Variants in VWDE observed in about 807,000 individuals in gnomAD.
The protein encoded by VWDE is von Willebrand factor D and EGF domain-containing protein.
In VWDE, 207 loss-of-function variants were observed where a neutral mutation model predicts 178.4. The observed-to-expected ratio is 1.16, with a 90% CI of 1.04 to 1.30. VWDE has a LOEUF of 1.30. Ranked by LOEUF, VWDE falls within the 50% of genes most tolerant of loss-of-function variation. The probability of loss-of-function intolerance (pLI) is 0.00; values close to 1 mark genes in which losing one functional copy is unlikely to be tolerated. For missense variants in VWDE, 2,287 were observed against 1,901.3 expected (o/e 1.20, Z -3.77); for synonymous variants, 738 against 651.4 (o/e 1.13, Z -2.02).
chr7:12,366,119 TTA>T (rs1782844480), intron 13 of VWDE, among the ~76,000 whole-genome samples: 1 of 152,078 alleles, frequency 6.6e-6, no homozygotes, highest in Non-Finnish European at 1.5e-5. Context: ...TGCCATGATT[TTA>T]TGTTTCCTGG....
At chr7:12,401,629 T>C (rs1264104758) in intron 1 of VWDE, among the ~76,000 whole-genome samples, 1 of 152,034 alleles carries the variant, frequency 6.6e-6, no homozygotes, top group African/African-American at 2.4e-5. Flanking sequence ...AGAATCCAAA[T>C]CTCAGTTAAT....
intron 18 of VWDE, chr7:12,354,361 T>C: frequency 2.3e-6 from 1 of 427,660 alleles, no homozygotes; most frequent in Non-Finnish European, 4.6e-6. Flanking sequence ...ATGGCATATT[T>C]TTCCATCCCC....
At chr7:12,352,741 G>T (rs1181753868) in intron 18 of VWDE, among the ~76,000 whole-genome samples, 2 of 152,152 alleles carry the variant, frequency 1.3e-5, no homozygotes, top group African/African-American at 4.8e-5. Flanking sequence ...TGAAGCACAA[G>T]ATGCTGCTGC....
At chr7:12,334,231 G>A (rs528524851) in intron 27 of VWDE, among the ~76,000 whole-genome samples, 1 of 152,146 alleles carries the variant, frequency 6.6e-6, no homozygotes, top group South Asian at 2.1e-4. Flanking sequence ...GGGAAGTAAA[G>A]GGAATTTTTG....
chr7:12,333,878 G>A (rs1179125878), intron 27 of VWDE, among the ~76,000 whole-genome samples: 1 of 151,732 alleles, frequency 6.6e-6, no homozygotes, highest in Non-Finnish European at 1.5e-5. Context: ...TTTTCTAGAG[G>A]AGCTGAAGTC....
intron 6 of VWDE, 55 bp downstream of exon 6, chr7:12,379,422 G>C: frequency 7.5e-7 from 1 of 1,330,812 alleles, no homozygotes. Context: ...ATCACAGTTT[G>C]GGAAACATAG....
intron 24 of VWDE, among the ~76,000 whole-genome samples, chr7:12,339,905 G>C (rs1781236071): frequency 6.6e-6 from 1 of 152,064 alleles, no homozygotes; most frequent in African/African-American, 2.4e-5. Context: ...GTGCACAGGT[G>C]ATTCTTCATA....
chr7:12,362,905 G>A (rs1367709569), intron 13 of VWDE, among the ~76,000 whole-genome samples: 2 of 151,990 alleles, frequency 1.3e-5, no homozygotes, highest in South Asian at 2.1e-4. Flanking sequence ...GTACAGTCTC[G>A]GTTTCTTGTG....
chr7:12,369,778 A>G lies in VWDE; in HGVS notation c.2528T>C (p.Leu843Pro). 6.4e-7 allele frequency: 1 copy of G among 1,551,618 alleles called. No individual in the cohort carries two copies. The highest frequency in any genetic ancestry group is 8.7e-7 in the Non-Finnish European group (1 of 1,146,920). ...TGCCCAACTAAGATCATCTTTTAAC[A>G]GAACATCCTTCACACACATCTCTAT... ...SVIEMCVKDVLLKDDLSWAEA... is the reference protein window; with the variant it reads ...SVIEMCVKDVPLKDDLSWAEA... Residue 843 changes from leucine to proline, a missense_variant, in exon 12 of 29, where the codon CTG (leucine) becomes CCG (proline). Transcript: ENST00000275358.
At chr7:12,351,336 C>T (rs977173070) in intron 19 of VWDE, among the ~76,000 whole-genome samples, 3 of 152,002 alleles carry the variant, frequency 2.0e-5, no homozygotes, top group East Asian at 1.9e-4. Flanking sequence ...TAAGCTTCTC[C>T]GAAATCACTT....
At chr7:12,334,826 G>C (rs1001648398) in intron 27 of VWDE, among the ~76,000 whole-genome samples, 1 of 152,090 alleles carries the variant, frequency 6.6e-6, no homozygotes, top group African/African-American at 2.4e-5. Context: ...GGTCCGCATA[G>C]AGCTTACTCC....
intron 6 of VWDE, 125 bp downstream of exon 6, chr7:12,379,352 C>T (rs1407241638): frequency 3.2e-5 from 17 of 536,306 alleles, no homozygotes; most frequent in Non-Finnish European, 5.1e-5. Context: ...AATATGGGGA[C>T]TCATGGGTCT....
At chr7:12,387,433 G>A (rs1784156935) in intron 3 of VWDE, among the ~76,000 whole-genome samples, 1 of 151,948 alleles carries the variant, frequency 6.6e-6, no homozygotes, top group African/African-American at 2.4e-5. Context: ...TTCTGAGAAT[G>A]CTAGAAATTT....
chr7:12,390,481 G>T (rs945625765), intron 2 of VWDE, among the ~76,000 whole-genome samples: 7 of 151,802 alleles, frequency 4.6e-5, no homozygotes, highest in African/African-American at 1.4e-4. Context: ...TATAATTCTT[G>T]TTATTATTTC....
Position 12,370,211 on chromosome 7 carries a change from T to A in VWDE, c.2095A>T (p.Lys699Ter), listed in dbSNP as rs747312182. ...AGTTTAGTCAGGTTTATGTGTTTTTTTTCTTGCAGAAATAAATTTAGATTA... is the reference window on the plus strand; with the variant it reads ...AGTTTAGTCAGGTTTATGTGTTTTTATTCTTGCAGAAATAAATTTAGATTA... ...EYNLNLFLQEKKHINLTKLGL... is the reference protein window; with the variant it reads ...EYNLNLFLQE Residue 699 changes from lysine (K) to a stop codon, truncating the protein, a stop_gained, in exon 12 of 29, where the codon AAA (lysine) becomes TAA (stop). Coordinates refer to ENST00000275358, the MANE Select transcript of VWDE (RefSeq NM_001135924.3). LOFTEE classifies it high-confidence loss of function. 7.2e-5 allele frequency: 111 copies of A among 1,551,156 alleles called. No individual in the cohort carries two copies. Among genetic ancestry groups the A allele is most frequent in the South Asian group, 2.4e-5 (2 of 84,024 alleles).
chr7:12,351,537 A>T, intron 19 of VWDE, 36 bp downstream of exon 19: 1 of 1,515,272 alleles, frequency 6.6e-7, no homozygotes, highest in Non-Finnish European at 8.8e-7. Flanking sequence ...AAGAGGAATT[A>T]CTTGTCATTA....
chr7:12,365,037 C>T (rs1262251803), intron 13 of VWDE, among the ~76,000 whole-genome samples: 1 of 151,954 alleles, frequency 6.6e-6, no homozygotes, highest in African/African-American at 2.4e-5. Flanking sequence ...TTCGAAAGAA[C>T]CAAGTGTGCA....
At position 12,361,511 on chromosome 7, in the gene VWDE, C is replaced by T; in HGVS notation, c.2909G>A (p.Ser970Asn). 1 of 1,546,760 alleles carries T rather than the reference C, an allele frequency of 6.5e-7. No individual in the cohort carries two copies. Among genetic ancestry groups the T allele is most frequent in the Non-Finnish European group, 8.7e-7 (1 of 1,145,346 alleles). The change falls in exon 14 of 29, where the codon AGT becomes AAT. Residue 970 changes from serine (S) to asparagine (N), a missense_variant. Physicochemically the swap from Ser to Asn is conservative, Grantham distance 46. Coordinates refer to ENST00000275358, the MANE Select transcript of VWDE (RefSeq NM_001135924.3). ...GATGGGTTCTCCAGGCATCCATTCA[C>T]TGCTATTATACTGAAGACATAGTGA... ...CEVTKLQYNS[S>N]EWMPGEPIYT...
chr7:12,380,854 G>GA (rs1783818632), intron 4 of VWDE, 121 bp from the exon 5 acceptor site: 1 of 1,173,594 alleles, frequency 8.5e-7, no homozygotes, highest in Admixed American at 2.9e-5. Flanking sequence ...GCTAAATTTA[G>GA]AAAAATGATT....
Sources: gnomAD v4.1 joint callset for allele counts (sites outside exome capture counted in the v4.1 genomes callset) on GRCh38, gnomAD v4.1.1 for gene constraint, MANE v1.5 for transcripts, NCBI Gene and HGNC (gene_info 2026-07-23, HGNC 2026-07-21) for gene names.